The following PLCD4 variants were observed in gnomAD, a reference collection of about 807,000 sequenced individuals.
PLCD4 encodes the protein phospholipase C delta 4, also known as 1-phosphatidylinositol 4,5-bisphosphate phosphodiesterase delta-4.
PLCD4 carries 63 observed loss-of-function variants against 90.2 expected under a neutral mutation model. That is an observed-to-expected ratio of 0.70 (90% CI 0.57 to 0.86). PLCD4 has a LOEUF of 0.86. PLCD4 is among the 40% of genes least tolerant of loss of function. The pLI is 0.00. For synonymous variants in PLCD4, 294 were observed against 356.5 expected, an observed-to-expected ratio of 0.82 and a Z score of 1.97; for missense variants, 830 against 956.3, an observed-to-expected ratio of 0.87 and a Z score of 1.74.
chr2:218,627,205 G>A (rs1267198774), intron 6 of PLCD4, among the ~76,000 whole-genome samples: 1 of 151,728 alleles, frequency 6.6e-6, no homozygotes, highest in Non-Finnish European at 1.5e-5. Flanking sequence ...AGCTTGCAGT[G>A]AGCAGAGATC....
intron 10 of PLCD4, 160 bp from the exon 11 acceptor site, chr2:218,633,445 T>TATTTCCAAG (rs1696505138): frequency 1.2e-6 from 1 of 859,042 alleles, no homozygotes; most frequent in Non-Finnish European, 1.9e-6. Flanking sequence ...CCCAGGCTCC[T>TATTTCCAAG]ATTTCCAAGC....
At chr2:218,610,563 A>G (rs1256755123) in intron 1 of PLCD4, among the ~76,000 whole-genome samples, 1 of 152,144 alleles carries the variant, frequency 6.6e-6, no homozygotes, top group Admixed American at 6.5e-5. Context: ...AAGCAAGACT[A>G]TTCAGAGTAC....
At chr2:218,611,378 A>G (rs901795605) in intron 1 of PLCD4, among the ~76,000 whole-genome samples, 1 of 152,160 alleles carries the variant, frequency 6.6e-6, no homozygotes, top group African/African-American at 2.4e-5. Flanking sequence ...CTCGGTTCTC[A>G]GGCTTCCCAT....
intron 3 of PLCD4, among the ~76,000 whole-genome samples, chr2:218,616,919 TATATATATAGAGAGAG>T (rs1311211815): frequency 2.4e-4 from 6 of 25,148 alleles, no homozygotes; most frequent in African/African-American, 8.6e-4. Context: ...TATATATATA[TATATATATAGAGAGAG>T]AGAGAGAGAG....
rs1210592837 is a variant in PLCD4 at position 218,635,915 on chromosome 2, C to T, written c.2016C>T (p.Asn672=). 3 of 1,613,880 alleles carry T rather than the reference C, an allele frequency of 1.9e-6. No homozygotes were observed. The highest frequency in any genetic ancestry group is 2.5e-6 in the Non-Finnish European group (3 of 1,179,908). ...TAGACACAGCACGGCAGGAGACCAA[C>T]TATGTGGAGAACAATGGTGAGAAAC... The part of the protein sequence containing the change: ...VRLDTARQET[N]YVENNGFNPY... The change falls in exon 14 of 16, where the codon AAC becomes AAT. Residue 672 remains asparagine, a synonymous_variant. Transcript: ENST00000450993.
chr2:218,626,925 T>C (rs1017782386), intron 6 of PLCD4, among the ~76,000 whole-genome samples: 1 of 152,146 alleles, frequency 6.6e-6, no homozygotes, highest in Admixed American at 6.5e-5. Flanking sequence ...TGTTGTCCAT[T>C]ATAGTAACTG....
At chr2:218,626,667 G>A (rs1696133488) in intron 6 of PLCD4, among the ~76,000 whole-genome samples, 1 of 152,210 alleles carries the variant, frequency 6.6e-6, no homozygotes, top group Non-Finnish European at 1.5e-5. Flanking sequence ...TACTGAGATT[G>A]GAGGGAGCTA....
At chr2:218,613,417 C>T (rs1442158259) in intron 1 of PLCD4, among the ~76,000 whole-genome samples, 1 of 135,574 alleles carries the variant, frequency 7.4e-6, no homozygotes, top group Non-Finnish European at 1.6e-5. Context: ...AAAAAAAGCA[C>T]ATAACATTTT....
chr2:218,623,567 C>T (rs1404538934), intron 6 of PLCD4, among the ~76,000 whole-genome samples: 6 of 152,206 alleles, frequency 3.9e-5, no homozygotes, highest in African/African-American at 7.2e-5. Context: ...GGAACTTTCA[C>T]GTTCCTCATT....
At chr2:218,629,383 T>C (rs1052728550) in intron 7 of PLCD4, 136 bp from the exon 8 acceptor site, 3 of 986,728 alleles carry the variant, frequency 3.0e-6, no homozygotes, top group Non-Finnish European at 4.4e-6. Context: ...GAGAAGGCTC[T>C]ATGCAGATGT....
chr2:218,627,352 G>A (rs1696161022), intron 6 of PLCD4, among the ~76,000 whole-genome samples: 1 of 151,726 alleles, frequency 6.6e-6, no homozygotes, highest in African/African-American at 2.4e-5. Context: ...CACATTTCAA[G>A]TGCTCAGTAG....
chr2:218,621,466 C>G lies in PLCD4; in HGVS notation c.411-4C>G, dbSNP rs575368715. ...TTAGTGCTTTTGCCTTGACTCATAC[C>G]TGGATGGCTGAGCGATTGGTTTCAA... On this transcript the variant is annotated splice_region_variant and splice_polypyrimidine_tract_variant and intron_variant, in intron 4 of 15. Transcript: ENST00000450993. 8.1e-6 allele frequency: 13 copies of G among 1,613,750 alleles called. No individual in the cohort carries two copies. The highest frequency in any genetic ancestry group is 2.7e-5 in the African/African-American group (2 of 74,920).
At chr2:218,618,207 A>T (rs1317253942) in intron 3 of PLCD4, among the ~76,000 whole-genome samples, 5 of 152,236 alleles carry the variant, frequency 3.3e-5, no homozygotes, top group Non-Finnish European at 7.3e-5. Context: ...TGTCATCCCC[A>T]TCAGTCCTCC....
intron 3 of PLCD4, among the ~76,000 whole-genome samples, chr2:218,617,622 T>C (rs1371728475): frequency 6.6e-6 from 1 of 151,758 alleles, no homozygotes; most frequent in Non-Finnish European, 1.5e-5. Flanking sequence ...AGTGTGCACT[T>C]ATTGGCCAAA....
At chr2:218,630,851 C>T (rs1696330758) in intron 9 of PLCD4, 49 bp downstream of exon 9, 2 of 1,542,438 alleles carry the variant, frequency 1.3e-6, no homozygotes, top group African/African-American at 1.4e-5. Context: ...CTTCTGGATT[C>T]CGCCACCTGG....
intron 13 of PLCD4, among the ~76,000 whole-genome samples, chr2:218,635,410 C>T (rs1696667176): frequency 6.6e-6 from 1 of 152,280 alleles, no homozygotes; most frequent in South Asian, 2.1e-4. Flanking sequence ...ATGATCTTGG[C>T]TCACTGCAAC....
intron 7 of PLCD4, 43 bp downstream of exon 7, chr2:218,628,273 C>T (rs764688885): frequency 1.0e-5 from 16 of 1,579,700 alleles, no homozygotes; most frequent in Admixed American, 1.7e-5. Context: ...TGAGAGGGAC[C>T]ATGTAGAAAA....
Position 218,622,689 on chromosome 2 carries a change from T to C in PLCD4, c.583T>C (p.Phe195Leu). Residue 195 changes from phenylalanine (F) to leucine (L), a missense_variant, in exon 6 of 16, where the codon TTC becomes CTC. Phe to Leu is a conservative substitution (Grantham distance 22). Transcript: ENST00000450993. ...GTCTGGAACCCTGGAAGGAGAAGAA[T>C]TCGTACAGTTCTATAAGGCATTGAC... ...SQSGTLEGEE[F>L]VQFYKALTKR... The C allele has an allele frequency of 3.1e-6, 5 of 1,613,960 alleles. No homozygotes were observed. Among genetic ancestry groups the C allele is most frequent in the Non-Finnish European group, 4.2e-6 (5 of 1,179,880 alleles).
chr2:218,622,705 A>G lies in PLCD4; in HGVS notation c.599A>G (p.Lys200Arg), dbSNP rs1246527523. The change falls in exon 6 of 16, where the codon AAG becomes AGG. Residue 200 changes from lysine (K) to arginine (R), a missense_variant. Lys to Arg is a conservative substitution (Grantham distance 26). Coordinates refer to ENST00000450993, the MANE Select transcript of PLCD4 (RefSeq NM_032726.4). Reference sequence around the variant, plus strand: ...GGAGAAGAATTCGTACAGTTCTATAAGGCATTGACTAAACGTGCTGAGGTG... The same window carrying G: ...GGAGAAGAATTCGTACAGTTCTATAGGGCATTGACTAAACGTGCTGAGGTG... ...LEGEEFVQFY[K>R]ALTKRAEVQE... 2.5e-6 allele frequency: 4 copies of G among 1,614,072 alleles called. No individual in the cohort carries two copies. Among genetic ancestry groups the G allele is most frequent in the African/African-American group, 1.3e-5 (1 of 75,068 alleles).
Sources: allele counts gnomAD v4.1 joint callset (sites outside exome capture counted in the v4.1 genomes callset), GRCh38; gene constraint gnomAD v4.1.1; transcripts MANE v1.5; gene names NCBI Gene and HGNC (gene_info 2026-07-23, HGNC 2026-07-21).